Variants in HMCN1 observed in about 807,000 individuals in gnomAD.
HMCN1 encodes hemicentin-1.
Under a neutral mutation model 625.9 loss-of-function variants are expected in HMCN1, and 321 were observed. The observed-to-expected ratio is 0.51, with a 90% CI of 0.47 to 0.56. The LOEUF (loss-of-function observed/expected upper bound fraction) is 0.56, where lower values mean the gene tolerates loss of function less well. HMCN1 is among the 20% of genes least tolerant of loss of function. The probability of loss-of-function intolerance (pLI) is 0.00; values close to 1 mark genes in which losing one functional copy is unlikely to be tolerated. For missense variants in HMCN1, 6,588 were observed against 6,887.3 expected (o/e 0.96, Z 1.54); for synonymous variants, 2,425 against 2,417.6 (o/e 1.00, Z -0.09).
At chr1:185,837,179 G>C (rs1010601311) in intron 1 of HMCN1, among the ~76,000 whole-genome samples, 1 of 151,824 alleles carries the variant, frequency 6.6e-6, no homozygotes, top group African/African-American at 2.4e-5. Context: ...ATACGTTTAA[G>C]ACTTGTAATA....
At chr1:185,752,682 A>T (rs1211771909) in intron 1 of HMCN1, among the ~76,000 whole-genome samples, 1 of 152,180 alleles carries the variant, frequency 6.6e-6, no homozygotes, top group Non-Finnish European at 1.5e-5. Context: ...CTTTCAAAAA[A>T]AGGTCTTTCT....
intron 46 of HMCN1, among the ~76,000 whole-genome samples, chr1:186,057,938 G>A (rs554666343): frequency 6.6e-6 from 1 of 152,066 alleles, no homozygotes; most frequent in Admixed American, 6.6e-5. Context: ...ATCAATATAA[G>A]CGTAGAGAGA....
intron 4 of HMCN1, among the ~76,000 whole-genome samples, chr1:185,893,447 A>T (rs1372255829): frequency 1.3e-5 from 2 of 152,220 alleles, no homozygotes; most frequent in Non-Finnish European, 2.9e-5. Flanking sequence ...GGTGCATTTT[A>T]AAATTTATGG....
chr1:185,925,225 G>A (rs995382832), intron 9 of HMCN1, 34 bp downstream of exon 9: 2 of 1,579,004 alleles, frequency 1.3e-6, no homozygotes, highest in African/African-American at 2.7e-5. Context: ...ATAAGATTCA[G>A]CATTTAACAT....
At chr1:186,135,778 C>T (rs1284002576) in intron 86 of HMCN1, among the ~76,000 whole-genome samples, 1 of 152,162 alleles carries the variant, frequency 6.6e-6, no homozygotes. Flanking sequence ...TTTTCCCCTC[C>T]ATTTCCAGTG....
chr1:185,765,461 T>G (rs1481663373), intron 1 of HMCN1, among the ~76,000 whole-genome samples: 1 of 152,208 alleles, frequency 6.6e-6, no homozygotes, highest in Non-Finnish European at 1.5e-5. Flanking sequence ...TCTTGCCAAG[T>G]GCTTGCTAAG....
At chr1:185,764,706 TC>T (rs1358233663) in intron 1 of HMCN1, among the ~76,000 whole-genome samples, 1 of 152,154 alleles carries the variant, frequency 6.6e-6, no homozygotes, top group African/African-American at 2.4e-5. Context: ...ACTGACAACC[TC>T]CAGTGATCTT....
In HMCN1 at chr1:185,923,650, C is replaced by T; in HGVS notation, c.1282C>T (p.Pro428Ser). The T allele has an allele frequency of 6.3e-7, 1 of 1,598,214 alleles. No homozygotes were observed. Among genetic ancestry groups the T allele is most frequent in the Non-Finnish European group, 8.5e-7 (1 of 1,173,362 alleles). Residue 428 changes from proline to serine, a missense_variant, in exon 8 of 107, where the codon CCA (proline) becomes TCA (serine). Physicochemically the swap from Pro to Ser is moderately conservative, Grantham distance 74 (BLOSUM62 -1). Coordinates refer to ENST00000271588, the MANE Select transcript of HMCN1 (RefSeq NM_031935.3). ...VSSVSFSSIVPDAPKVTMPEK... is the reference protein window; with the variant it reads ...VSSVSFSSIVSDAPKVTMPEK... ...AAGTGTTTCCTTTTCTAGTATTGTCCCAGGTGAGACATCATTTTATTCAAC... is the reference window on the plus strand; with the variant it reads ...AAGTGTTTCCTTTTCTAGTATTGTCTCAGGTGAGACATCATTTTATTCAAC...
intron 80 of HMCN1, among the ~76,000 whole-genome samples, chr1:186,121,244 T>G (rs964240210): frequency 6.6e-6 from 1 of 152,188 alleles, no homozygotes; most frequent in Non-Finnish European, 1.5e-5. Flanking sequence ...TGGCATGATG[T>G]ACCCTAAGAT....
At chr1:186,036,030 A>C (rs1383969269) in intron 36 of HMCN1, among the ~76,000 whole-genome samples, 2 of 152,188 alleles carry the variant, frequency 1.3e-5, no homozygotes, top group Non-Finnish European at 2.9e-5. Context: ...TATTCAATGC[A>C]TAAGGTATTG....
Position 186,007,143 on chromosome 1 carries a change from C to A in HMCN1, c.4491C>A (p.Gly1497=). Residue 1497 remains glycine, a synonymous_variant, in exon 30 of 107, where the codon GGC becomes GGA. Coordinates refer to ENST00000271588, the MANE Select transcript of HMCN1 (RefSeq NM_031935.3). Reference sequence around the variant, plus strand: ...TTTTTTCTAGGCCTTTATTTTTGGGCGATCCTAATGTTGAACTTCTAGACA... The same window carrying A: ...TTTTTTCTAGGCCTTTATTTTTGGGAGATCCTAATGTTGAACTTCTAGACA... The part of the protein sequence containing the change: ...WFKDGKPLFL[G]DPNVELLDRG... 1.2e-6 allele frequency: 2 copies of A among 1,612,014 alleles called. No homozygotes were observed. The highest frequency in any genetic ancestry group is 1.1e-5 in the South Asian group (1 of 91,018).
At chr1:185,820,764 C>T (rs1660134924) in intron 1 of HMCN1, among the ~76,000 whole-genome samples, 1 of 151,986 alleles carries the variant, frequency 6.6e-6, no homozygotes, top group Non-Finnish European at 1.5e-5. Context: ...GAAACAATGT[C>T]AATAGAATAT....
intron 1 of HMCN1, among the ~76,000 whole-genome samples, chr1:185,737,165 T>A (rs1211092225): frequency 6.6e-6 from 1 of 151,912 alleles, no homozygotes; most frequent in Admixed American, 6.6e-5. Flanking sequence ...GTTTATTTTT[T>A]TTTTTTTGAA....
chr1:186,103,744 T>G, intron 69 of HMCN1, 76 bp downstream of exon 69: 1 of 1,284,896 alleles, frequency 7.8e-7, no homozygotes, highest in South Asian at 1.3e-5. Context: ...ATTTGTTAAA[T>G]TATGTCTTTG....
chr1:186,021,145 G>A (rs565983322), intron 35 of HMCN1, among the ~76,000 whole-genome samples: 1 of 152,196 alleles, frequency 6.6e-6, no homozygotes, highest in South Asian at 2.1e-4. Flanking sequence ...TACTTGGATA[G>A]ATTGGTGAGG....
At chr1:185,796,361 G>T (rs1335374041) in intron 1 of HMCN1, among the ~76,000 whole-genome samples, 1 of 152,104 alleles carries the variant, frequency 6.6e-6, no homozygotes, top group Non-Finnish European at 1.5e-5. Flanking sequence ...TCCATGGTCT[G>T]GGTGTTGAGG....
chr1:186,182,251 G>A lies in HMCN1; in HGVS notation c.16378G>A (p.Gly5460Ser), dbSNP rs1652979869. ...FGSYQCICPP[G>S]YQLTHNGKTC... ...AAGTTATCAGTGCATCTGCCCACCTGGCTATCAACTCACACACAATGGAAA... is the reference window on the plus strand; with the variant it reads ...AAGTTATCAGTGCATCTGCCCACCTAGCTATCAACTCACACACAATGGAAA... The change falls in exon 105 of 107, where the codon GGC becomes AGC. Residue 5460 changes from glycine (G) to serine (S), a missense_variant. This residue lies in a region of HMCN1 where 1,954 missense variants were observed against 2,013.1 expected (regional missense o/e 0.97). Coordinates refer to ENST00000271588, the MANE Select transcript of HMCN1 (RefSeq NM_031935.3). 6.2e-7 allele frequency: 1 copy of A among 1,613,340 alleles called. No individual in the cohort carries two copies. Among genetic ancestry groups the A allele is most frequent in the African/African-American group, 1.3e-5 (1 of 74,858 alleles).
rs778977263 is a variant in HMCN1, at chr1:185,982,259, T to C, written c.2663-3T>C. 1 of 1,613,950 alleles carries C rather than the reference T, an allele frequency of 6.2e-7. No homozygotes were observed. Among genetic ancestry groups the C allele is most frequent in the Non-Finnish European group, 8.5e-7 (1 of 1,179,862 alleles). On this transcript the variant is annotated splice_polypyrimidine_tract_variant and splice_region_variant and intron_variant, in intron 17 of 106. Transcript: ENST00000271588. ...AAAGTGCCTGTGCTCTCTCTTGATT[T>C]AGTTGCTCCACTTATTGGAATCAGC...
intron 89 of HMCN1, among the ~76,000 whole-genome samples, chr1:186,141,425 C>T (rs12061689): frequency 0.35 from 53,529 of 151,978 alleles, 10,632 homozygotes; most frequent in East Asian, 0.58. Context: ...CCTTACTTTC[C>T]GGTGCAAATA....
Sources: allele counts gnomAD v4.1 joint callset (sites outside exome capture counted in the v4.1 genomes callset), GRCh38; gene constraint gnomAD v4.1.1; regional missense constraint gnomAD v4.1.1; transcripts MANE v1.5; gene names NCBI Gene and HGNC (gene_info 2026-07-23, HGNC 2026-07-21).